Variants in GLRA1 observed in about 807,000 individuals in gnomAD.
The protein encoded by GLRA1 is glycine receptor alpha 1.
A neutral mutation model predicts 48.3 loss-of-function variants in GLRA1; 37 were observed. The ratio of observed to expected loss-of-function variants is 0.77; its 90% CI spans 0.59 to 1.01. GLRA1 has a LOEUF of 1.01. Ranked by LOEUF, GLRA1 falls within the 50% of genes least tolerant of loss-of-function variation. GLRA1 has a pLI of 0.00. For synonymous variants in GLRA1, 196 were observed against 210.7 expected (o/e 0.93, Z 0.60); for missense variants, 427 against 571.0 (o/e 0.75, Z 2.57).
chr5:151,878,738 G>A (rs1301990601), intron 3 of GLRA1, among the ~76,000 whole-genome samples: 2 of 152,192 alleles, frequency 1.3e-5, no homozygotes, highest in African/African-American at 2.4e-5. Flanking sequence ...CAGCTTCCAC[G>A]TGGCATTGAG....
chr5:151,834,442 A>G (rs1763514185), intron 7 of GLRA1, among the ~76,000 whole-genome samples: 2 of 152,352 alleles, frequency 1.3e-5, no homozygotes, highest in Non-Finnish European at 1.5e-5. Context: ...ACAAAGACAC[A>G]ACATACCAGA....
intron 3 of GLRA1, among the ~76,000 whole-genome samples, chr5:151,884,565 A>ATT (rs1753849616): frequency 6.6e-6 from 1 of 152,210 alleles, no homozygotes; most frequent in Non-Finnish European, 1.5e-5. Context: ...TGAAGCAAAT[A>ATT]AGCTCCTCGT....
chr5:151,892,052 A>G (rs1196588927), intron 2 of GLRA1, among the ~76,000 whole-genome samples: 2 of 152,170 alleles, frequency 1.3e-5, no homozygotes, highest in East Asian at 3.9e-4. Context: ...TCTTCCCATC[A>G]TACAAGAAGT....
chr5:151,878,742 C>T (rs924451043), intron 3 of GLRA1, among the ~76,000 whole-genome samples: 1 of 152,180 alleles, frequency 6.6e-6, no homozygotes, highest in African/African-American at 2.4e-5. Context: ...TTCCACGTGG[C>T]ATTGAGCCTG....
intron 3 of GLRA1, among the ~76,000 whole-genome samples, chr5:151,881,720 C>T (rs536055364): frequency 7.0e-4 from 106 of 152,108 alleles, no homozygotes; most frequent in Non-Finnish European, 1.3e-3. Context: ...AGTTAAAGGA[C>T]AGGCAGTCTC....
rs75882419 is a variant in GLRA1 at position 151,824,960 on chromosome 5, G to A, written c.1060-1997C>T. The stretch of plus-strand genomic sequence containing the variant: ...AGCTTTAGTGTCCTTTTTTGTTGTT[G>A]TTGTTTGTTTAAATGGAGTTGTATT... On this transcript the variant is annotated intron_variant, in intron 8 of 8. Coordinates refer to ENST00000274576, the MANE Select transcript of GLRA1 (RefSeq NM_000171.4). Among the ~76,000 whole-genome samples, 219 of 152,164 alleles carry A rather than the reference G, an allele frequency of 1.4e-3. 4 individuals carry two copies. In the East Asian group the frequency reaches 0.015, roughly 10 times the overall value.
intron 1 of GLRA1, among the ~76,000 whole-genome samples, chr5:151,911,594 G>T (rs1235103512): frequency 6.7e-6 from 1 of 148,170 alleles, no homozygotes; most frequent in Non-Finnish European, 1.5e-5. Flanking sequence ...TGATTCCCAA[G>T]CTAGAGTTTT....
intron 8 of GLRA1, among the ~76,000 whole-genome samples, chr5:151,825,761 A>G (rs1763255666): frequency 1.3e-5 from 2 of 152,334 alleles, no homozygotes; most frequent in South Asian, 4.1e-4. Flanking sequence ...ATGAGGCAAC[A>G]TGGGAAGATG....
rs762530958 is a variant in GLRA1 at position 151,849,167 on chromosome 5, C to CTTTTCT, written c.912+2222_912+2223insAGAAAA. 93 of 93,436 alleles carry CTTTTCT rather than the reference C, an allele frequency of 1.0e-3. 2 individuals carry two copies. The highest frequency in any genetic ancestry group is 1.7e-3 in the East Asian group (8 of 4,784). 5.8% of individuals were successfully genotyped at this position (93,436 alleles called of 1,614,324 possible). On this transcript the variant is annotated intron_variant, in intron 7 of 8. Transcript: ENST00000274576. ...TTCTTTCTTTCTTTTCTTTTCTTTT[C>CTTTTCT]TTTCTTTCTTTCTTTCTTTCTTTTC...
At chr5:151,846,315 G>C (rs1441560759) in intron 7 of GLRA1, among the ~76,000 whole-genome samples, 2 of 152,172 alleles carry the variant, frequency 1.3e-5, no homozygotes, top group Non-Finnish European at 2.9e-5. Flanking sequence ...AGAATGTTGA[G>C]TCTAGTGTAA....
At chr5:151,853,087 AG>A (rs1752950653) in intron 6 of GLRA1, among the ~76,000 whole-genome samples, 1 of 152,138 alleles carries the variant, frequency 6.6e-6, no homozygotes, top group Non-Finnish European at 1.5e-5. Context: ...CTAGAGGCTG[AG>A]GGATGGGGGA....
chr5:151,838,422 T>G (rs2113310202), intron 7 of GLRA1, among the ~76,000 whole-genome samples: 1 of 152,192 alleles, frequency 6.6e-6, no homozygotes, highest in South Asian at 2.1e-4. Context: ...TGAGCCGAGA[T>G]CGTATCACCG....
chr5:151,906,122 A>G (rs1394122927), intron 1 of GLRA1, among the ~76,000 whole-genome samples: 1 of 152,154 alleles, frequency 6.6e-6, no homozygotes, highest in Non-Finnish European at 1.5e-5. Context: ...AACACTTTCA[A>G]TTTGTTTCCT....
At chr5:151,918,417 G>C (rs1323460360) in intron 1 of GLRA1, among the ~76,000 whole-genome samples, 1 of 152,148 alleles carries the variant, frequency 6.6e-6, no homozygotes, top group Admixed American at 6.5e-5. Context: ...TTTTTTTCTG[G>C]CTCATTCTGA....
intron 3 of GLRA1, among the ~76,000 whole-genome samples, chr5:151,874,392 T>C (rs1280318252): frequency 6.6e-6 from 1 of 152,132 alleles, no homozygotes; most frequent in African/African-American, 2.4e-5. Flanking sequence ...GAATCTAAAA[T>C]TGGGAGGTAG....
At chr5:151,848,457 C>G (rs1393886359) in intron 7 of GLRA1, among the ~76,000 whole-genome samples, 1 of 152,166 alleles carries the variant, frequency 6.6e-6, no homozygotes, top group African/African-American at 2.4e-5. Flanking sequence ...ATCTCCGCCT[C>G]TCGGGTTCAG....
At chr5:151,842,237 A>G (rs768327523) in intron 7 of GLRA1, among the ~76,000 whole-genome samples, 2 of 152,060 alleles carry the variant, frequency 1.3e-5, no homozygotes, top group Non-Finnish European at 2.9e-5. Flanking sequence ...GTGGAAGTGG[A>G]TAGAACATTT....
intron 3 of GLRA1, among the ~76,000 whole-genome samples, chr5:151,883,163 G>A (rs1435154348): frequency 6.6e-6 from 1 of 152,100 alleles, no homozygotes; most frequent in Non-Finnish European, 1.5e-5. Flanking sequence ...TACCCTCAAG[G>A]CAGTACATCA....
chr5:151,908,356 C>G (rs1754526742), intron 1 of GLRA1, among the ~76,000 whole-genome samples: 1 of 152,228 alleles, frequency 6.6e-6, no homozygotes, highest in Admixed American at 6.5e-5. Flanking sequence ...GTTTCTTCCT[C>G]CTGTCATCAT....
Sources: allele counts gnomAD v4.1 joint callset (sites outside exome capture counted in the v4.1 genomes callset), GRCh38; gene constraint gnomAD v4.1.1; transcripts MANE v1.5; gene names NCBI Gene and HGNC (gene_info 2026-07-23, HGNC 2026-07-21).